Variants in ZNF134 observed in about 807,000 individuals in gnomAD.
ZNF134 encodes the protein zinc finger protein 134 (clone pHZ-15).
A neutral mutation model predicts 2.5 loss-of-function variants in ZNF134; 5 were observed. The ratio of observed to expected loss-of-function variants is 2.03; its 90% CI spans 1.06 to 4.27. The LOEUF (loss-of-function observed/expected upper bound fraction) is 4.27. Among genes scored for constraint, ZNF134 ranks in the 30% most tolerant of loss-of-function variants. The pLI, the probability that ZNF134 is intolerant of heterozygous loss-of-function variation, is 0.00. For synonymous variants in ZNF134, 176 were observed against 176.2 expected (o/e 1.00, Z 0.01); for missense variants, 540 against 517.5 (o/e 1.04, Z -0.42).
At chr19:57,617,645 C>G (rs1568629620) in intron 1 of ZNF134, among the ~76,000 whole-genome samples, 1 of 152,092 alleles carries the variant, frequency 6.6e-6, no homozygotes, top group Admixed American at 6.5e-5. Context: ...AGAAGGGATT[C>G]AGGTTGGAGC....
At chr19:57,614,989 G>T (rs1184878008) in intron 1 of ZNF134, among the ~76,000 whole-genome samples, 2 of 152,078 alleles carry the variant, frequency 1.3e-5, no homozygotes, top group Non-Finnish European at 2.9e-5. Flanking sequence ...GAAGTCATGA[G>T]ATTCTGGGTA....
Position 57,620,541 on chromosome 19 carries a change from TC to T in ZNF134, c.424del (p.Gln142ArgfsTer134). 1.9e-6 allele frequency: 3 copies of T among 1,614,142 alleles called. No homozygotes were observed. Among genetic ancestry groups the T allele is most frequent in the Non-Finnish European group, 2.5e-6 (3 of 1,180,034 alleles). ...PFTCKEEQKN[F>X]QATLGGCQQK... ...ACGTGTAAGGAGGAGCAGAAAAACT[TC>T]CAGGCTACTTTGGGTGGCTGCCAAC... On this transcript the variant is annotated frameshift_variant, in exon 3 of 3. Coordinates refer to ENST00000396161, the MANE Select transcript of ZNF134 (RefSeq NM_003435.5). LOFTEE classifies it low-confidence loss of function (END_TRUNC).
In ZNF134 at chr19:57,618,603, G is replaced by A. The variant is rs145846594; in HGVS notation, c.-57-809G>A. ...TGGTGTTTTATCTGTCCACTTGCCT[G>A]TTCTGAGCTGGACAAAATGATTAAT... On this transcript the variant is annotated intron_variant, in intron 1 of 2. Transcript: ENST00000396161. Among the ~76,000 whole-genome samples, 913 of 152,248 alleles carry A rather than the reference G, an allele frequency of 6.0e-3. 11 individuals are homozygous for A. The highest frequency in any genetic ancestry group is 0.021 in the African/African-American group (871 of 41,532).
At chr19:57,615,769 A>G (rs1451472901) in intron 1 of ZNF134, among the ~76,000 whole-genome samples, 1 of 152,178 alleles carries the variant, frequency 6.6e-6, no homozygotes, top group African/African-American at 2.4e-5. Context: ...GTGGTGGGAC[A>G]TGTGAGTTGT....
rs1981302261 is a variant in ZNF134, at chr19:57,623,839, A to C, written c.*2436A>C. 6.6e-6 allele frequency: 1 copy of C among 152,202 alleles called. No individual in the cohort carries two copies. The highest frequency in any genetic ancestry group is 2.1e-4 in the South Asian group (1 of 4,834). The allele number at this position is 152,202 out of a possible 1,614,324, so 9.4% of individuals were successfully genotyped here. On this transcript the variant is annotated 3_prime_UTR_variant, in exon 3 of 3. Coordinates refer to ENST00000396161, the MANE Select transcript of ZNF134 (RefSeq NM_003435.5). ...ATAATCTGCATAAACCTCTTTTCTA[A>C]TGTTGTGAATTTCAGTGATGTACAG...
chr19:57,615,494 C>CT (rs899210223), intron 1 of ZNF134, among the ~76,000 whole-genome samples: 5 of 151,916 alleles, frequency 3.3e-5, no homozygotes, highest in African/African-American at 1.2e-4. Flanking sequence ...ATGCTTGGTG[C>CT]TGCAAAGTGA....
In ZNF134 at chr19:57,622,958, T is replaced by TACACACACACACACACAC. The variant is rs3054108; in HGVS notation, c.*1576_*1593dup. On this transcript the variant is annotated 3_prime_UTR_variant, in exon 3 of 3. Transcript: ENST00000396161. ...TTAAAGTGTACGAGTTAAGTCTTGA[T>TACACACACACACACACAC]ACACACACACACACACACACACACA... 1.4e-5 allele frequency: 2 copies of TACACACACACACACACAC among 147,178 alleles called. No homozygotes were observed. Among genetic ancestry groups the TACACACACACACACACAC allele is most frequent in the Admixed American group, 1.4e-4 (2 of 14,724 alleles). The allele number at this position is 147,178 out of a possible 1,614,324, so 9.1% of individuals were successfully genotyped here.
Position 57,620,414 on chromosome 19 carries a change from T to G in ZNF134, c.295T>G (p.Cys99Gly). The G allele has an allele frequency of 6.2e-7, 1 of 1,614,128 alleles. No individual in the cohort carries two copies. Among genetic ancestry groups the G allele is most frequent in the South Asian group, 1.1e-5 (1 of 91,084 alleles). The stretch of plus-strand genomic sequence containing the variant: ...TGCAAACCTTCATCAGTACCAGAAG[T>G]GTTACAGTATAGAGCAACCCTTAAG... ...FSANLHQYQK[C>G]YSIEQPLRRD... is the part of the protein sequence containing the mutation. Residue 99 changes from cysteine to glycine, a missense_variant, in exon 3 of 3, where the codon TGT (cysteine) becomes GGT (glycine). Coordinates refer to ENST00000396161, the MANE Select transcript of ZNF134 (RefSeq NM_003435.5).
chr19:57,619,681 T>A (rs1981143025), intron 2 of ZNF134, 173 bp downstream of exon 2: 1 of 725,944 alleles, frequency 1.4e-6, no homozygotes, highest in Admixed American at 3.2e-5. Context: ...CCCAGGGCTG[T>A]CTTCTCCCAT....
chr19:57,621,389 G>A lies in ZNF134; in HGVS notation c.1270G>A (p.Ala424Thr), dbSNP rs1981216397. ...CAATCGGCACCAGAAAGTTCACACT[G>A]CAGGCAGGCTTTAGGAGTGCTTTGA... The part of the protein sequence containing the change: ...HLNRHQKVHT[A>T]GRL Residue 424 changes from alanine to threonine, a missense_variant, in exon 3 of 3, where the codon GCA becomes ACA. Ala to Thr is a moderately conservative substitution (Grantham distance 58). Transcript: ENST00000396161. 6 of 1,613,526 alleles carry A rather than the reference G, an allele frequency of 3.7e-6. No homozygotes were observed. Among genetic ancestry groups the A allele is most frequent in the Non-Finnish European group, 5.1e-6 (6 of 1,179,996 alleles).
rs1174392906 is a variant in ZNF134, at chr19:57,622,482, A to C, written c.*1079A>C. On this transcript the variant is annotated 3_prime_UTR_variant, in exon 3 of 3. Transcript: ENST00000396161. ...AAACACATCCACAGACAGTCCAGGC[A>C]CTAAGGCTGAATGGGATCAGGGTAT... 1.3e-5 allele frequency: 2 copies of C among 152,240 alleles called. No individual in the cohort carries two copies. Among genetic ancestry groups the C allele is most frequent in the Non-Finnish European group, 2.9e-5 (2 of 68,054 alleles). The allele number at this position is 152,240 out of a possible 1,614,324, so 9.4% of individuals were successfully genotyped here.
At position 57,615,045 on chromosome 19, in the gene ZNF134, T is replaced by C. The variant is rs1196723156; in HGVS notation, c.-58+542T>C. Among the ~76,000 whole-genome samples, 3 of 152,154 alleles carry C rather than the reference T, an allele frequency of 2.0e-5. No individual in the cohort carries two copies. The South Asian group carries it at 6.2e-4, about 32-fold the overall frequency. On this transcript the variant is annotated intron_variant, in intron 1 of 2. Transcript: ENST00000396161. ...ATGGGGTTTCCTGCCGCATCAGATG[T>C]GGTCGTGAGTGAATGTAGGGAGGAA...
At chr19:57,615,943 C>T (rs1028035645) in intron 1 of ZNF134, among the ~76,000 whole-genome samples, 4 of 152,206 alleles carry the variant, frequency 2.6e-5, no homozygotes, top group African/African-American at 7.2e-5. Flanking sequence ...AGTTAACAGG[C>T]TAAACCTTTG....
chr19:57,615,623 T>G (rs1981030387), intron 1 of ZNF134, among the ~76,000 whole-genome samples: 1 of 152,146 alleles, frequency 6.6e-6, no homozygotes, highest in Non-Finnish European at 1.5e-5. Context: ...GGTTTTTATC[T>G]CTAACCCATA....
chr19:57,621,238 G>A lies in ZNF134; in HGVS notation c.1119G>A (p.Val373=). The A allele has an allele frequency of 6.2e-7, 1 of 1,614,124 alleles. No individual in the cohort carries two copies. The highest frequency in any genetic ancestry group is 8.5e-7 in the Non-Finnish European group (1 of 1,180,026). The change falls in exon 3 of 3, where the codon GTG becomes GTA. Residue 373 remains valine (V), a synonymous_variant. Transcript: ENST00000396161. ...QRVHTGERPF[V]CSKCGKDFIR... ...TTCACACTGGTGAAAGGCCTTTTGTGTGCAGTAAATGTGGGAAAGACTTTA... is the reference window on the plus strand; with the variant it reads ...TTCACACTGGTGAAAGGCCTTTTGTATGCAGTAAATGTGGGAAAGACTTTA...
In ZNF134 at chr19:57,620,939, A is replaced by C. The variant is rs200366419; in HGVS notation, c.820A>C (p.Asn274His). 1.5e-4 allele frequency: 239 copies of C among 1,614,222 alleles called. No individual in the cohort carries two copies. Among genetic ancestry groups the C allele is most frequent in the Non-Finnish European group, 1.7e-4 (205 of 1,180,028 alleles). Reference protein sequence around the residue: ...ECGKYFSHHSNLIVHQRVHNG... With the variant: ...ECGKYFSHHSHLIVHQRVHNG... ...TGGGAAATATTTTAGCCATCACTCC[A>C]ATCTAATTGTACACCAGAGAGTTCA... The change falls in exon 3 of 3, where the codon AAT (asparagine) becomes CAT (histidine). Residue 274 changes from asparagine to histidine, a missense_variant. Physicochemically the swap from Asn to His is moderately conservative, Grantham distance 68 (BLOSUM62 1). Transcript: ENST00000396161.
chr19:57,614,251 A>C lies in ZNF134; in HGVS notation c.-310A>C, dbSNP rs941035071. 1 of 423,936 alleles carries C rather than the reference A, an allele frequency of 2.4e-6. No individual in the cohort carries two copies. Among genetic ancestry groups the C allele is most frequent in the Non-Finnish European group, 4.8e-6 (1 of 208,250 alleles). The allele number at this position is 423,936 out of a possible 1,614,324, so 26.3% of individuals were successfully genotyped here. A position where few individuals can be genotyped will look rare whatever the true frequency, so the allele number is the denominator to read the frequency against. On this transcript the variant is annotated 5_prime_UTR_variant, in exon 1 of 3. Transcript: ENST00000396161. ...TTCCGGTATCTTCCTCGCGGTGGAC[A>C]TCTTGTCGGCTCTTAGGTGGAACCA...
chr19:57,623,457 A>G lies in ZNF134; in HGVS notation c.*2054A>G, dbSNP rs1415694745. 1 of 152,200 alleles carries G rather than the reference A, an allele frequency of 6.6e-6. No homozygotes were observed. The highest frequency in any genetic ancestry group is 2.4e-5 in the African/African-American group (1 of 41,454). The allele number at this position is 152,200 out of a possible 1,614,324, so 9.4% of individuals were successfully genotyped here. On this transcript the variant is annotated 3_prime_UTR_variant, in exon 3 of 3. Coordinates refer to ENST00000396161, the MANE Select transcript of ZNF134 (RefSeq NM_003435.5). ...TATCTTACTAATTATAGTAAAATAT[A>G]TTGGAAAAGAGATACATACAGGGAA...
rs181446258 is a variant in ZNF134 at position 57,614,263 on chromosome 19, C to G, written c.-298C>G. On this transcript the variant is annotated 5_prime_UTR_variant, in exon 1 of 3. Transcript: ENST00000396161. ...CCTCGCGGTGGACATCTTGTCGGCT[C>G]TTAGGTGGAACCATCGGAGCAGAAG... 5.9e-5 allele frequency: 26 copies of G among 442,738 alleles called. No homozygotes were observed. The highest frequency in any genetic ancestry group is 4.9e-4 in the African/African-American group (24 of 49,292). The allele number at this position is 442,738 out of a possible 1,614,324, so 27.4% of individuals were successfully genotyped here.
Sources: gnomAD v4.1 joint callset for allele counts (sites outside exome capture counted in the v4.1 genomes callset) on GRCh38, gnomAD v4.1.1 for gene constraint, MANE v1.5 for transcripts, NCBI Gene and HGNC (gene_info 2026-07-23, HGNC 2026-07-21) for gene names.